Variants in IL12RB2 observed in about 807,000 individuals in gnomAD.
IL12RB2 encodes the protein interleukin 12 receptor subunit beta 2, also known as interleukin-12 receptor subunit beta-2.
IL12RB2 carries 82 observed loss-of-function variants against 89.4 expected under a neutral mutation model. The observed-to-expected ratio is 0.92, with a 90% CI of 0.77 to 1.10. IL12RB2 has a LOEUF of 1.10. Among genes scored for constraint, IL12RB2 ranks in the 50% least tolerant of loss-of-function variants. The pLI is 0.00. For synonymous variants in IL12RB2, 368 were observed against 370.1 expected (o/e 0.99, Z 0.07); for missense variants, 963 against 1,031.9 (o/e 0.93, Z 0.92).
At chr1:67,343,507 T>A (rs547977242) in intron 9 of IL12RB2, among the ~76,000 whole-genome samples, 2 of 152,320 alleles carry the variant, frequency 1.3e-5, no homozygotes, top group South Asian at 4.1e-4. Context: ...GTAAAAAATG[T>A]TGCTTGATTA....
At chr1:67,309,959 G>A (rs940376724) in intron 1 of IL12RB2, among the ~76,000 whole-genome samples, 7 of 152,040 alleles carry the variant, frequency 4.6e-5, no homozygotes, top group Non-Finnish European at 5.9e-5. Flanking sequence ...GGGATCACCT[G>A]AGGTCAGGAG....
intron 16 of IL12RB2, among the ~76,000 whole-genome samples, chr1:67,390,837 C>T (rs1219417433): frequency 6.6e-6 from 1 of 152,072 alleles, no homozygotes; most frequent in Non-Finnish European, 1.5e-5. Flanking sequence ...AGTGGCAAGT[C>T]AATATTCCTC....
Position 67,346,262 on chromosome 1 carries a change from T to TTAAG in IL12RB2, c.1039-4606_1039-4603dup, listed in dbSNP as rs552478116. Reference sequence around the variant, plus strand: ...ATTAATGAAATCGTTGTGAAAAGTGTTAAGTTATTGTTATGAGGCAAACAT... The same window carrying TTAAG: ...ATTAATGAAATCGTTGTGAAAAGTGTTAAGTAAGTTATTGTTATGAGGCAAACAT... On this transcript the variant is annotated intron_variant, in intron 9 of 16. Coordinates refer to ENST00000674203, the MANE Select transcript of IL12RB2 (RefSeq NM_001374259.2). 3.6e-3 allele frequency among the ~76,000 whole-genome samples: 548 copies of TTAAG among 152,274 alleles called. 2 individuals carry two copies. Among genetic ancestry groups the TTAAG allele is most frequent in the African/African-American group, 0.013 (526 of 41,546 alleles).
intron 16 of IL12RB2, among the ~76,000 whole-genome samples, chr1:67,393,341 G>T (rs966557888): frequency 3.9e-5 from 6 of 152,220 alleles, no homozygotes; most frequent in Admixed American, 6.5e-5. Context: ...AACTGATAGT[G>T]GTTTAAGAGG....
At chr1:67,366,452 CAAAAAAAAAAAA>C (rs11329710) in intron 10 of IL12RB2, among the ~76,000 whole-genome samples, 1 of 53,406 alleles carries the variant, frequency 1.9e-5, no homozygotes, top group Non-Finnish European at 3.7e-5. Context: ...GACTCCATCT[CAAAAAAAAAAAA>C]AAAAAAAAAA....
rs545625638 is a variant in IL12RB2, at chr1:67,310,369, A to G, written c.-125+2402A>G. On this transcript the variant is annotated intron_variant, in intron 1 of 16. Transcript: ENST00000674203. ...CATTTGCTGGACTTAGACTTAGTGA[A>G]TATAAAGAAATGTAAGGCCCAGTTC... Among the ~76,000 whole-genome samples, 200 of 152,288 alleles carry G rather than the reference A, an allele frequency of 1.3e-3. 1 individual carries two copies. The highest frequency in any genetic ancestry group is 2.5e-3 in the Non-Finnish European group (169 of 68,032).
At chr1:67,385,338 G>C (rs1665018698) in intron 14 of IL12RB2, among the ~76,000 whole-genome samples, 1 of 152,212 alleles carries the variant, frequency 6.6e-6, no homozygotes, top group South Asian at 2.1e-4. Flanking sequence ...GAAACCATCA[G>C]ATTCTTGTGA....
intron 10 of IL12RB2, among the ~76,000 whole-genome samples, chr1:67,364,380 G>A (rs1303961398): frequency 2.6e-5 from 4 of 152,138 alleles, no homozygotes; most frequent in African/African-American, 9.7e-5. Context: ...GACAGAGGGA[G>A]ACTCTATCTC....
At chr1:67,314,600 G>A (rs565449807) in intron 2 of IL12RB2, among the ~76,000 whole-genome samples, 2 of 152,264 alleles carry the variant, frequency 1.3e-5, no homozygotes, top group East Asian at 3.9e-4. Context: ...CCTTAATACA[G>A]TGCTACAGAA....
chr1:67,361,630 A>C (rs1226107169), intron 10 of IL12RB2, among the ~76,000 whole-genome samples: 1 of 152,208 alleles, frequency 6.6e-6, no homozygotes, highest in African/African-American at 2.4e-5. Flanking sequence ...ACAAAGACTG[A>C]AAAAACATAA....
intron 13 of IL12RB2, among the ~76,000 whole-genome samples, chr1:67,378,711 A>G (rs1009033672): frequency 5.9e-5 from 9 of 151,958 alleles, no homozygotes; most frequent in African/African-American, 2.2e-4. Flanking sequence ...TTAGCCAAGC[A>G]TGGTGGCGTG....
intron 4 of IL12RB2, among the ~76,000 whole-genome samples, chr1:67,322,895 AG>A (rs1287175533): frequency 2.6e-5 from 4 of 152,212 alleles, no homozygotes; most frequent in Non-Finnish European, 5.9e-5. Context: ...ATAGCCTTGC[AG>A]GTCCAACCAG....
intron 5 of IL12RB2, among the ~76,000 whole-genome samples, chr1:67,327,352 G>A (rs543273758): frequency 1.7e-4 from 26 of 152,220 alleles, no homozygotes; most frequent in African/African-American, 6.0e-4. Flanking sequence ...AGTTAAAACT[G>A]GTTCATTCAT....
chr1:67,336,921 C>T (rs1229173610), intron 8 of IL12RB2, among the ~76,000 whole-genome samples: 1 of 152,222 alleles, frequency 6.6e-6, no homozygotes, highest in Non-Finnish European at 1.5e-5. Flanking sequence ...CACCATGTGT[C>T]AGCACGCTCC....
At chr1:67,336,622 A>G (rs1033946759) in intron 8 of IL12RB2, among the ~76,000 whole-genome samples, 1 of 152,252 alleles carries the variant, frequency 6.6e-6, no homozygotes, top group African/African-American at 2.4e-5. Context: ...AACAAAAAAG[A>G]AAGTAGAGCA....
chr1:67,395,251 G>A (rs1666244924), intron 16 of IL12RB2, among the ~76,000 whole-genome samples: 1 of 151,396 alleles, frequency 6.6e-6, no homozygotes, highest in South Asian at 2.1e-4. Context: ...CTGGGTGACA[G>A]AAGGCGACTT....
intron 9 of IL12RB2, among the ~76,000 whole-genome samples, chr1:67,340,912 A>G (rs1659453279): frequency 6.6e-6 from 1 of 152,190 alleles, no homozygotes; most frequent in African/African-American, 2.4e-5. Context: ...CCTTCCTTTC[A>G]TTATAAACAT....
chr1:67,381,759 A>G (rs1315221956), intron 14 of IL12RB2, among the ~76,000 whole-genome samples: 4 of 107,000 alleles, frequency 3.7e-5, no homozygotes, highest in Non-Finnish European at 5.7e-5. Context: ...GAGTGAGACT[A>G]TGTTTCAAAA....
At chr1:67,370,669 T>C (rs572028440) in intron 11 of IL12RB2, among the ~76,000 whole-genome samples, 1 of 152,124 alleles carries the variant, frequency 6.6e-6, no homozygotes, top group Admixed American at 6.5e-5. Flanking sequence ...AGAAAGGAAA[T>C]AAAAGTCTGA....
Sources: allele counts gnomAD v4.1 joint callset (sites outside exome capture counted in the v4.1 genomes callset), GRCh38; gene constraint gnomAD v4.1.1; transcripts MANE v1.5; gene names NCBI Gene and HGNC (gene_info 2026-07-23, HGNC 2026-07-21).